GLYCTK: variants seen among roughly 807,000 people sequenced by gnomAD.
GLYCTK encodes HBeAg binding protein 4.
A neutral mutation model predicts 24.8 loss-of-function variants in GLYCTK; 22 were observed. The ratio of observed to expected loss-of-function variants is 0.89; its 90% CI spans 0.63 to 1.27. GLYCTK has a LOEUF of 1.27. Among genes scored for constraint, GLYCTK ranks in the 50% most tolerant of loss-of-function variants. The pLI, the probability that GLYCTK is intolerant of heterozygous loss-of-function variation, is 0.00. For synonymous variants in GLYCTK, 320 were observed against 297.2 expected (o/e 1.08, Z -0.79); for missense variants, 684 against 686.7 (o/e 1.00, Z 0.04).
Position 52,291,920 on chromosome 3 carries a change from C to A in GLYCTK, c.703C>A (p.Gln235Lys). The A allele has an allele frequency of 6.2e-7, 1 of 1,612,170 alleles. No homozygotes were observed. The highest frequency in any genetic ancestry group is 8.5e-7 in the Non-Finnish European group (1 of 1,179,116). ...GCTGGCTCAGGCCGCCTACCCTGCC[C>A]AGGTATGAGTCCCTTCTTCCCCAGG... ...GGLAQAAYPA[Q>K]VVSLILSDVV... is the part of the protein sequence containing the mutation. Residue 235 changes from glutamine to lysine, a missense_variant and splice_region_variant, in exon 4 of 5, where the codon CAG (glutamine) becomes AAG (lysine). Physicochemically the swap from Gln to Lys is moderately conservative, Grantham distance 53. Transcript: ENST00000436784.
chr3:52,292,257 C>T lies in GLYCTK; in HGVS notation c.706-3C>T, dbSNP rs1309636383. On this transcript the variant is annotated splice_polypyrimidine_tract_variant and splice_region_variant and intron_variant, in intron 4 of 4. Coordinates refer to ENST00000436784, the MANE Select transcript of GLYCTK (RefSeq NM_145262.4). ...TGAGCCTTGTCTGGTGGCCCTTCCCCAGGTGGTGAGCCTCATCCTGTCAGA... is the reference window on the plus strand; with the variant it reads ...TGAGCCTTGTCTGGTGGCCCTTCCCTAGGTGGTGAGCCTCATCCTGTCAGA... 2 of 1,613,842 alleles carry T rather than the reference C, an allele frequency of 1.2e-6. No homozygotes were observed. The highest frequency in any genetic ancestry group is 2.2e-5 in the South Asian group (2 of 91,066).
Position 52,292,890 on chromosome 3 carries a change from T to C in GLYCTK, c.1336T>C (p.Phe446Leu), listed in dbSNP as rs1360948271. ...GCCGCTGGGGCCGATAGATGTGCTG[T>C]TTTTGAGCGGTGGCACCGATGGGCA... ...RWPLGPIDVLFLSGGTDGQDG... is the reference protein window; with the variant it reads ...RWPLGPIDVLLLSGGTDGQDG... The change falls in exon 5 of 5, where the codon TTT becomes CTT. Residue 446 changes from phenylalanine (F) to leucine (L), a missense_variant. Physicochemically the swap from Phe to Leu is conservative, Grantham distance 22. Coordinates refer to ENST00000436784, the MANE Select transcript of GLYCTK (RefSeq NM_145262.4). The C allele has an allele frequency of 6.2e-7, 1 of 1,613,950 alleles. No individual in the cohort carries two copies. Among genetic ancestry groups the C allele is most frequent in the Non-Finnish European group, 8.5e-7 (1 of 1,179,986 alleles).
Position 52,292,539 on chromosome 3 carries a change from C to G in GLYCTK, c.985C>G (p.Gln329Glu). The part of the protein sequence containing the change: ...AQRQAEALGY[Q>E]AVVLSAAMQG... ...GCGGCAGGCCGAGGCACTGGGCTAC[C>G]AGGCTGTGGTGCTGAGTGCAGCCAT... The change falls in exon 5 of 5, where the codon CAG (glutamine) becomes GAG (glutamate). Residue 329 changes from glutamine (Q) to glutamate (E), a missense_variant. Transcript: ENST00000436784. 10 of 1,613,912 alleles carry G rather than the reference C, an allele frequency of 6.2e-6. No individual in the cohort carries two copies. The highest frequency in any genetic ancestry group is 1.1e-5 in the South Asian group (1 of 91,090).
Position 52,293,864 on chromosome 3 carries a change from C to T in GLYCTK, c.*738C>T, listed in dbSNP as rs755118068. 6 of 454,136 alleles carry T rather than the reference C, an allele frequency of 1.3e-5. No individual in the cohort carries two copies. Among genetic ancestry groups the T allele is most frequent in the Non-Finnish European group, 1.8e-5 (4 of 226,774 alleles). The allele number at this position is 454,136 out of a possible 1,614,324, so 28.1% of individuals were successfully genotyped here. A position where few individuals can be genotyped will look rare whatever the true frequency, so the allele number is the denominator to read the frequency against. Reference sequence around the variant, plus strand: ...TCTGTCTTTGGACAGCCCTTAGCCACATACTGCACTTCTGGTTGAGCTGAA... The same window carrying T: ...TCTGTCTTTGGACAGCCCTTAGCCATATACTGCACTTCTGGTTGAGCTGAA... On this transcript the variant is annotated 3_prime_UTR_variant, in exon 5 of 5. Transcript: ENST00000436784.
rs1432282080 is a variant in GLYCTK at position 52,294,911 on chromosome 3, A to G, written c.*1785A>G. On this transcript the variant is annotated 3_prime_UTR_variant, in exon 5 of 5. Coordinates refer to ENST00000436784, the MANE Select transcript of GLYCTK (RefSeq NM_145262.4). ...GTTGGCGTACTCAGAGTGGGAATGC[A>G]TCTCTGAGTGTACACATAGATACTT... The G allele has an allele frequency of 4.4e-6, 2 of 454,084 alleles. No homozygotes were observed. The highest frequency in any genetic ancestry group is 8.8e-6 in the Non-Finnish European group (2 of 226,786). 28.1% of individuals were successfully genotyped at this position (454,084 alleles called of 1,614,324 possible). A position where few individuals can be genotyped will look rare whatever the true frequency, so the allele number is the denominator to read the frequency against.
At chr3:52,291,548 G>A in intron 3 of GLYCTK, 199 bp from the exon 4 acceptor site, 1 of 602,170 alleles carries the variant, frequency 1.7e-6, no homozygotes, top group South Asian at 2.0e-5. Context: ...GGTGCCTACT[G>A]GGACCTGGGG....
At chr3:52,292,003 G>A (rs1425466724) in intron 4 of GLYCTK, 81 bp downstream of exon 4, 2 of 1,404,198 alleles carry the variant, frequency 1.4e-6, no homozygotes, top group Non-Finnish European at 2.0e-6. Context: ...AGCTAGAACA[G>A]CATATAGATT....
At chr3:52,288,982 G>T (rs1700376665) in intron 1 of GLYCTK, 1 of 152,192 alleles carries the variant, frequency 6.6e-6, no homozygotes, top group Non-Finnish European at 1.5e-5. Context: ...ACCATATTTG[G>T]GTGTGGGGTA....
rs773105316 is a variant in GLYCTK at position 52,294,177 on chromosome 3, C to A, written c.*1051C>A. On this transcript the variant is annotated 3_prime_UTR_variant, in exon 5 of 5. Coordinates refer to ENST00000436784, the MANE Select transcript of GLYCTK (RefSeq NM_145262.4). ...AGAGGGAGGTGCCACTGTCCTGCCT[C>A]CTTTTGAGCCCCCTTGCTCAGTGTC... 1.9e-6 allele frequency: 1 copy of A among 533,956 alleles called. No individual in the cohort carries two copies. The highest frequency in any genetic ancestry group is 3.8e-6 in the Non-Finnish European group (1 of 259,862). The allele number at this position is 533,956 out of a possible 1,614,324, so 33.1% of individuals were successfully genotyped here.
Position 52,292,704 on chromosome 3 carries a change from C to G in GLYCTK, c.1150C>G (p.Pro384Ala). 5 of 1,609,116 alleles carry G rather than the reference C, an allele frequency of 3.1e-6. No individual in the cohort carries two copies. The highest frequency in any genetic ancestry group is 4.2e-6 in the Non-Finnish European group (5 of 1,176,916). The change falls in exon 5 of 5, where the codon CCA (proline) becomes GCA (alanine). Residue 384 changes from proline to alanine, a missense_variant. Transcript: ENST00000436784. ...TGAGCTGGCAGCTGAGCTTCAGATC[C>G]CAGACCTGCAGCTGGAGGAGGCTCT... is the stretch of plus-strand genomic sequence containing the variant. ...LHELAAELQI[P>A]DLQLEEALET...
chr3:52,290,628 G>A lies in GLYCTK; in HGVS notation c.286G>A (p.Ala96Thr). The A allele has an allele frequency of 6.2e-7, 1 of 1,613,640 alleles. No individual in the cohort carries two copies. Residue 96 changes from alanine (A) to threonine (T), a missense_variant, in exon 2 of 5, where the codon GCA becomes ACA. Transcript: ENST00000436784. Reference protein sequence around the residue: ...FGKAVLGMAAAAEELLGQHLV... With the variant: ...FGKAVLGMAATAEELLGQHLV... ...CAAGGCTGTGCTGGGTATGGCAGCT[G>A]CAGCTGAGGAACTACTGGGCCAGCA...
rs770350458 is a variant in GLYCTK, at chr3:52,292,587, G to A, written c.1033G>A (p.Ala345Thr). The A allele has an allele frequency of 1.2e-6, 2 of 1,613,850 alleles. No homozygotes were observed. The highest frequency in any genetic ancestry group is 1.1e-5 in the South Asian group (1 of 91,090). ...AAMQGDVKSMAQFYGLLAHVA... is the reference protein window; with the variant it reads ...AAMQGDVKSMTQFYGLLAHVA... Reference sequence around the variant, plus strand: ...CATGCAAGGTGATGTAAAAAGTATGGCCCAGTTCTACGGGCTGCTGGCCCA... The same window carrying A: ...CATGCAAGGTGATGTAAAAAGTATGACCCAGTTCTACGGGCTGCTGGCCCA... The change falls in exon 5 of 5, where the codon GCC becomes ACC. Residue 345 changes from alanine to threonine, a missense_variant. Coordinates refer to ENST00000436784, the MANE Select transcript of GLYCTK (RefSeq NM_145262.4).
At position 52,292,613 on chromosome 3, in the gene GLYCTK, T is replaced by A; in HGVS notation, c.1059T>A (p.His353Gln). ...CCCAGTTCTACGGGCTGCTGGCCCA[T>A]GTGGCTAGAACCCGCCTCACCCCAT... The part of the protein sequence containing the change: ...SMAQFYGLLA[H>Q]VARTRLTPSM... Residue 353 changes from histidine to glutamine, a missense_variant, in exon 5 of 5, where the codon CAT becomes CAA. His to Gln is a conservative substitution (Grantham distance 24, BLOSUM62 0). Transcript: ENST00000436784. 2 of 1,613,230 alleles carry A rather than the reference T, an allele frequency of 1.2e-6. No individual in the cohort carries two copies. The highest frequency in any genetic ancestry group is 1.7e-6 in the Non-Finnish European group (2 of 1,179,518).
Position 52,290,646 on chromosome 3 carries a change from G to C in GLYCTK, c.304G>C (p.Gly102Arg), listed in dbSNP as rs558300707. 6 of 1,613,684 alleles carry C rather than the reference G, an allele frequency of 3.7e-6. No homozygotes were observed. The Admixed American group carries it at 6.7e-5, about 18-fold the overall frequency. The change falls in exon 2 of 5, where the codon GGC becomes CGC. Residue 102 changes from glycine to arginine, a missense_variant. Physicochemically the swap from Gly to Arg is moderately radical, Grantham distance 125. Transcript: ENST00000436784. ...GMAAAAEELL[G>R]QHLVQGVISV... is the part of the protein sequence containing the mutation. Reference sequence around the variant, plus strand: ...GGCAGCTGCAGCTGAGGAACTACTGGGCCAGCATCTTGTGCAGGGCGTGAT... The same window carrying C: ...GGCAGCTGCAGCTGAGGAACTACTGCGCCAGCATCTTGTGCAGGGCGTGAT...
In GLYCTK at chr3:52,293,099, C is replaced by T. The variant is rs770144281; in HGVS notation, c.1545C>T (p.Thr515=). 3 of 1,613,838 alleles carry T rather than the reference C, an allele frequency of 1.9e-6. No individual in the cohort carries two copies. The highest frequency in any genetic ancestry group is 1.3e-5 in the African/African-American group (1 of 74,922). The change falls in exon 5 of 5, where the codon ACC becomes ACT. Residue 515 remains threonine, a synonymous_variant. Coordinates refer to ENST00000436784, the MANE Select transcript of GLYCTK (RefSeq NM_145262.4). ...TGACAGGTACCAATGTCATGGACAC[C>T]CACCTCTTGTTCCTGCGGCCTCGGT... ...TGMTGTNVMD[T]HLLFLRPR is the part of the protein sequence containing the mutation.
In GLYCTK at chr3:52,292,490, T is replaced by C. The variant is rs1242770665; in HGVS notation, c.936T>C (p.Asn312=). The C allele has an allele frequency of 2.5e-6, 4 of 1,613,370 alleles. No individual in the cohort carries two copies. The highest frequency in any genetic ancestry group is 3.4e-6 in the Non-Finnish European group (4 of 1,179,942). Residue 312 remains asparagine (N), a synonymous_variant, in exon 5 of 5, where the codon AAT becomes AAC. Transcript: ENST00000436784. The part of the protein sequence containing the change: ...GHVLNVIIGS[N]VLALAEAQRQ... ...TCCTGAATGTGATCATTGGCTCTAA[T>C]GTGCTGGCGCTAGCTGAGGCCCAGC... is the stretch of plus-strand genomic sequence containing the variant.
At chr3:52,290,866 T>A in intron 2 of GLYCTK, 94 bp from the exon 3 acceptor site, 1 of 1,584,988 alleles carries the variant, frequency 6.3e-7, no homozygotes, top group Non-Finnish European at 8.7e-7. Context: ...AGTGGGCATC[T>A]TCGTTCATGC....
intron 3 of GLYCTK, chr3:52,291,492 T>C: frequency 3.4e-6 from 2 of 585,770 alleles, no homozygotes; most frequent in Non-Finnish European, 6.1e-6. Context: ...GTGTGCCCCC[T>C]GCCCTGCCTC....
In GLYCTK at chr3:52,292,613, T is replaced by C. The variant is rs934708789; in HGVS notation, c.1059T>C (p.His353=). ...SMAQFYGLLA[H]VARTRLTPSM... Reference sequence around the variant, plus strand: ...CCCAGTTCTACGGGCTGCTGGCCCATGTGGCTAGAACCCGCCTCACCCCAT... The same window carrying C: ...CCCAGTTCTACGGGCTGCTGGCCCACGTGGCTAGAACCCGCCTCACCCCAT... The change falls in exon 5 of 5, where the codon CAT becomes CAC. Residue 353 remains histidine, a synonymous_variant. Coordinates refer to ENST00000436784, the MANE Select transcript of GLYCTK (RefSeq NM_145262.4). 12 of 1,613,114 alleles carry C rather than the reference T, an allele frequency of 7.4e-6. No individual in the cohort carries two copies. The African/African-American group carries it at 1.2e-4, about 16-fold the overall frequency.
Sources: allele counts gnomAD v4.1 joint callset, GRCh38; gene constraint gnomAD v4.1.1; transcripts MANE v1.5; gene names NCBI Gene and HGNC (gene_info 2026-07-23, HGNC 2026-07-21).